DISC1: variants seen among roughly 807,000 people sequenced by gnomAD.
DISC1 encodes the protein DISC1 scaffold protein.
DISC1 carries 57 observed loss-of-function variants against 84.5 expected under a neutral mutation model. The ratio of observed to expected loss-of-function variants is 0.67; its 90% CI spans 0.55 to 0.84. The LOEUF (loss-of-function observed/expected upper bound fraction) is 0.84. Among genes scored for constraint, DISC1 ranks in the 40% least tolerant of loss-of-function variants. The pLI is 0.00. For synonymous variants in DISC1, 411 were observed against 415.2 expected, an observed-to-expected ratio of 0.99 and a Z score of 0.12; for missense variants, 1,000 against 1,057.8, an observed-to-expected ratio of 0.95 and a Z score of 0.76.
At chr1:231,757,239 C>T (rs199576646) in intron 4 of DISC1, among the ~76,000 whole-genome samples, 16 of 152,130 alleles carry the variant, frequency 1.1e-4, no homozygotes, top group Non-Finnish European at 2.2e-4. Context: ...TGCAAAACCA[C>T]GTGTACACAT....
chr1:231,691,996 GC>G (rs1235869864), intron 1 of DISC1, among the ~76,000 whole-genome samples: 1 of 152,154 alleles, frequency 6.6e-6, no homozygotes, highest in African/African-American at 2.4e-5. Context: ...TGTTTCTTCT[GC>G]CTTCCTGTCA....
chr1:231,845,669 C>T (rs989284652), intron 9 of DISC1, among the ~76,000 whole-genome samples: 3 of 151,926 alleles, frequency 2.0e-5, no homozygotes, highest in African/African-American at 4.8e-5. Context: ...GTTCGGGAGC[C>T]GAACGGAGTG....
intron 9 of DISC1, among the ~76,000 whole-genome samples, chr1:231,958,114 C>T (rs186038776): frequency 3.3e-5 from 5 of 152,276 alleles, no homozygotes; most frequent in East Asian, 1.9e-4. Context: ...TTGGTGTGCA[C>T]GTCTGTTAGT....
intron 10 of DISC1, chr1:231,959,569 A>G (rs1355833562): frequency 1.1e-6 from 1 of 893,026 alleles, no homozygotes. Context: ...TTTGTTAAGT[A>G]ACTCTTTAGA....
chr1:231,820,427 G>A (rs1429428283), intron 9 of DISC1, among the ~76,000 whole-genome samples: 1 of 152,160 alleles, frequency 6.6e-6, no homozygotes, highest in Admixed American at 6.5e-5. Flanking sequence ...ATACACATAT[G>A]CATGCATGTA....
chr1:231,700,800 T>C (rs201712925), intron 2 of DISC1, among the ~76,000 whole-genome samples: 3 of 152,082 alleles, frequency 2.0e-5, no homozygotes, highest in Admixed American at 6.5e-5. Flanking sequence ...CAAGTACAGG[T>C]CACAATGGAG....
chr1:231,682,795 A>G (rs2063820817), intron 1 of DISC1, among the ~76,000 whole-genome samples: 1 of 152,244 alleles, frequency 6.6e-6, no homozygotes, highest in Non-Finnish European at 1.5e-5. Context: ...AAAAATGAAT[A>G]TTGGTGCAAT....
intron 3 of DISC1, among the ~76,000 whole-genome samples, chr1:231,741,974 C>CA (rs1396721460): frequency 1.3e-5 from 2 of 152,176 alleles, no homozygotes; most frequent in Admixed American, 1.3e-4. Context: ...CCCAACAGAG[C>CA]AGCCAGGTGA....
chr1:231,628,177 C>G (rs373203788), intron 1 of DISC1, among the ~76,000 whole-genome samples: 2 of 152,280 alleles, frequency 1.3e-5, no homozygotes, highest in African/African-American at 4.8e-5. Flanking sequence ...CTCCTGTGCT[C>G]GGCATGGTAC....
chr1:231,668,249 C>G (rs1272574800), intron 1 of DISC1, among the ~76,000 whole-genome samples: 2 of 152,042 alleles, frequency 1.3e-5, no homozygotes, highest in Non-Finnish European at 2.9e-5. Context: ...AACATAAAAT[C>G]TACCCTAGGC....
chr1:231,906,634 C>T (rs1419824580), intron 9 of DISC1, among the ~76,000 whole-genome samples: 5 of 152,220 alleles, frequency 3.3e-5, no homozygotes, highest in Non-Finnish European at 7.3e-5. Flanking sequence ...TGTGATGGCA[C>T]TGTCCTTCCT....
At chr1:231,841,235 G>A (rs754808237) in intron 9 of DISC1, among the ~76,000 whole-genome samples, 8 of 152,162 alleles carry the variant, frequency 5.3e-5, no homozygotes, top group Non-Finnish European at 1.2e-4. Context: ...TTTCAGATAA[G>A]GGATACTCAA....
At chr1:231,761,528 T>C (rs909842167) in intron 4 of DISC1, among the ~76,000 whole-genome samples, 1 of 152,102 alleles carries the variant, frequency 6.6e-6, no homozygotes, top group African/African-American at 2.4e-5. Context: ...CAGAAGAGTT[T>C]TGGTTAATCA....
At chr1:231,782,063 T>G (rs1283540571) in intron 6 of DISC1, among the ~76,000 whole-genome samples, 3 of 152,244 alleles carry the variant, frequency 2.0e-5, no homozygotes, top group African/African-American at 4.8e-5. Context: ...CTAGATTTCC[T>G]GTAGCTGCTT....
chr1:231,901,979 C>T (rs2088215628), intron 9 of DISC1, among the ~76,000 whole-genome samples: 1 of 152,078 alleles, frequency 6.6e-6, no homozygotes, highest in Non-Finnish European at 1.5e-5. Flanking sequence ...ACAAGAGCCC[C>T]ACGTTTCATG....
At position 231,836,737 on chromosome 1, in the gene DISC1, T is replaced by C. The variant is rs975565371; in HGVS notation, c.1981+18220T>C. On this transcript the variant is annotated intron_variant, in intron 9 of 12. Coordinates refer to ENST00000439617, the MANE Select transcript of DISC1 (RefSeq NM_018662.3). Reference sequence around the variant, plus strand: ...ACATTCACTTCCTACATTCCTTCCATGCCTAATCAGGACAGCTCCTCTGAC... The same window carrying C: ...ACATTCACTTCCTACATTCCTTCCACGCCTAATCAGGACAGCTCCTCTGAC... Among the ~76,000 whole-genome samples the C allele has an allele frequency of 3.2e-4, 49 of 152,166 alleles. 2 individuals carry two copies. The highest frequency in any genetic ancestry group is 6.5e-5 in the Admixed American group (1 of 15,278).
At chr1:231,649,381 T>C (rs1483052554) in intron 1 of DISC1, among the ~76,000 whole-genome samples, 2 of 152,250 alleles carry the variant, frequency 1.3e-5, no homozygotes, top group African/African-American at 4.8e-5. Context: ...GTGAGTTTCT[T>C]AATCCTGAGT....
At chr1:232,028,255 T>A (rs1669665084) in intron 12 of DISC1, among the ~76,000 whole-genome samples, 1 of 152,114 alleles carries the variant, frequency 6.6e-6, no homozygotes. Flanking sequence ...TCAATGGATA[T>A]GAAGGGGTTC....
intron 10 of DISC1, among the ~76,000 whole-genome samples, chr1:231,968,616 A>G (rs1219869486): frequency 1.3e-5 from 2 of 151,110 alleles, no homozygotes; most frequent in Admixed American, 6.6e-5. Flanking sequence ...AAAAGCAAAA[A>G]CAAAAACAAA....
Sources: gnomAD v4.1 joint callset for allele counts (sites outside exome capture counted in the v4.1 genomes callset) on GRCh38, gnomAD v4.1.1 for gene constraint, MANE v1.5 for transcripts, NCBI Gene and HGNC (gene_info 2026-07-23, HGNC 2026-07-21) for gene names.